TSPAN9: variants seen among roughly 807,000 people sequenced by gnomAD.
TSPAN9 encodes the protein tetraspanin 9.
TSPAN9 carries 16 observed loss-of-function variants against 31.0 expected under a neutral mutation model. That is an observed-to-expected ratio of 0.52 (90% CI 0.35 to 0.78). TSPAN9 has a LOEUF of 0.78. Among genes scored for constraint, TSPAN9 ranks in the 30% least tolerant of loss-of-function variants. The pLI is 0.01. For synonymous variants in TSPAN9, 145 were observed against 121.6 expected, an observed-to-expected ratio of 1.19 and a Z score of -1.27; for missense variants, 272 against 312.5, an observed-to-expected ratio of 0.87 and a Z score of 0.98.
Position 3,127,356 on chromosome 12 carries a change from A to C in TSPAN9, c.-18+43637A>C, listed in dbSNP as rs1160118385. ...GAGGCCGTTTTACTTAACTTTAAAG[A>C]AAAATTTTTTTTTTTTTGAGACGGA... is the stretch of plus-strand genomic sequence containing the variant. On this transcript the variant is annotated intron_variant, in intron 2 of 8. Transcript: ENST00000011898. Among the ~76,000 whole-genome samples the C allele has an allele frequency of 4.0e-5, 6 of 149,566 alleles. No individual in the cohort carries two copies. The East Asian group carries it at 1.2e-3, about 30-fold the overall frequency.
chr12:3,211,572 A>G, intron 3 of TSPAN9: 1 of 1,065,048 alleles, frequency 9.4e-7, no homozygotes. Context: ...TTCATTCATC[A>G]TCTTAGGGAA....
At chr12:3,195,867 G>A (rs1273739337) in intron 2 of TSPAN9, among the ~76,000 whole-genome samples, 4 of 152,144 alleles carry the variant, frequency 2.6e-5, no homozygotes, top group Admixed American at 6.5e-5. Flanking sequence ...CCACACTCAC[G>A]CCTTTCTAGG....
chr12:3,078,639 G>T (rs1342794514), intron 1 of TSPAN9, among the ~76,000 whole-genome samples: 1 of 152,126 alleles, frequency 6.6e-6, no homozygotes, highest in Non-Finnish European at 1.5e-5. Context: ...CCTACCCTCG[G>T]CTTGGTCCTG....
intron 3 of TSPAN9, among the ~76,000 whole-genome samples, chr12:3,210,687 T>C (rs1173522729): frequency 6.6e-6 from 1 of 152,166 alleles, no homozygotes; most frequent in African/African-American, 2.4e-5. Flanking sequence ...CTCTTCTTTG[T>C]TAGACTGTAC....
intron 3 of TSPAN9, among the ~76,000 whole-genome samples, chr12:3,243,374 G>A (rs2098397634): frequency 6.6e-6 from 1 of 152,142 alleles, no homozygotes; most frequent in Admixed American, 6.5e-5. Context: ...AGGGGCTCCT[G>A]TTTTAACTTA....
chr12:3,254,056 G>A (rs1361523784), intron 3 of TSPAN9, among the ~76,000 whole-genome samples: 2 of 152,156 alleles, frequency 1.3e-5, no homozygotes, highest in Non-Finnish European at 2.9e-5. Flanking sequence ...CTGAGTCTTG[G>A]TTATCAACAC....
At chr12:3,128,070 A>AG (rs2098328145) in intron 2 of TSPAN9, among the ~76,000 whole-genome samples, 1 of 152,206 alleles carries the variant, frequency 6.6e-6, no homozygotes, top group African/African-American at 2.4e-5. Context: ...TTGTAATCTT[A>AG]GGGGACCACT....
intron 3 of TSPAN9, among the ~76,000 whole-genome samples, chr12:3,235,525 AAAGTT>A (rs1319221478): frequency 6.6e-6 from 1 of 152,008 alleles, no homozygotes; most frequent in African/African-American, 2.4e-5. Context: ...CATGTTTGTG[AAAGTT>A]CCCACTTCCC....
intron 3 of TSPAN9, among the ~76,000 whole-genome samples, chr12:3,202,449 A>C (rs563902495): frequency 6.6e-6 from 1 of 152,234 alleles, no homozygotes; most frequent in African/African-American, 2.4e-5. Context: ...GTGTGTGTGG[A>C]GGGGTGACTT....
At chr12:3,175,566 G>A (rs2098355075) in intron 2 of TSPAN9, among the ~76,000 whole-genome samples, 1 of 152,230 alleles carries the variant, frequency 6.6e-6, no homozygotes, top group Non-Finnish European at 1.5e-5. Flanking sequence ...CTCTCTCGCT[G>A]TGCTCACGGG....
intron 3 of TSPAN9, among the ~76,000 whole-genome samples, chr12:3,268,418 G>C (rs1469634213): frequency 8.7e-5 from 6 of 69,152 alleles, no homozygotes; most frequent in East Asian, 4.6e-4. Flanking sequence ...CCTGCCCTCC[G>C]TGCGTTCCTG....
Position 3,283,473 on chromosome 12 carries a change from A to C in TSPAN9, c.*357A>C, listed in dbSNP as rs1174197813. 4.9e-6 allele frequency: 1 copy of C among 202,444 alleles called. No homozygotes were observed. The highest frequency in any genetic ancestry group is 6.0e-5 in the Admixed American group (1 of 16,750). 12.5% of individuals were successfully genotyped at this position (202,444 alleles called of 1,614,324 possible). On this transcript the variant is annotated 3_prime_UTR_variant, in exon 9 of 9. Coordinates refer to ENST00000011898, the MANE Select transcript of TSPAN9 (RefSeq NM_006675.5). Reference sequence around the variant, plus strand: ...TTTGTCCCCACATGGGGTGGGGAGCAGAGTGCCCGCCCCGTGGAGATACCG... The same window carrying C: ...TTTGTCCCCACATGGGGTGGGGAGCCGAGTGCCCGCCCCGTGGAGATACCG...
At chr12:3,128,490 A>G (rs986237034) in intron 2 of TSPAN9, among the ~76,000 whole-genome samples, 2 of 152,186 alleles carry the variant, frequency 1.3e-5, no homozygotes, top group Non-Finnish European at 2.9e-5. Flanking sequence ...CCAGGAAGCC[A>G]AGGCAGGAGG....
chr12:3,251,261 G>C (rs1189633091), intron 3 of TSPAN9, among the ~76,000 whole-genome samples: 1 of 152,190 alleles, frequency 6.6e-6, no homozygotes, highest in East Asian at 1.9e-4. Flanking sequence ...TGCACCCGCT[G>C]TGTGCCGCAG....
chr12:3,112,954 G>C (rs982184327), intron 2 of TSPAN9, among the ~76,000 whole-genome samples: 9 of 152,020 alleles, frequency 5.9e-5, no homozygotes, highest in Admixed American at 4.6e-4. Context: ...CTAAAGTGTG[G>C]ATATTATAGG....
rs148053157 is a variant in TSPAN9, at chr12:3,237,755, C to A, written c.63+36499C>A. ...GCACAGAGAGGGCAGGGTCAGCTTG[C>A]CCCCTTCCCTTCCGAAGCCAGAGGT... On this transcript the variant is annotated intron_variant, in intron 3 of 8. Coordinates refer to ENST00000011898, the MANE Select transcript of TSPAN9 (RefSeq NM_006675.5). Among the ~76,000 whole-genome samples the A allele has an allele frequency of 1.8e-3, 281 of 152,254 alleles. 3 individuals are homozygous for A. The highest frequency in any genetic ancestry group is 0.014 in the Middle Eastern group (4 of 294).
intron 3 of TSPAN9, among the ~76,000 whole-genome samples, chr12:3,277,661 C>T (rs1862812898): frequency 6.6e-6 from 1 of 152,144 alleles, no homozygotes; most frequent in Admixed American, 6.5e-5. Context: ...AGATTTGCAG[C>T]CGGTGAAATG....
At chr12:3,243,252 A>C (rs1050201842) in intron 3 of TSPAN9, among the ~76,000 whole-genome samples, 6 of 152,016 alleles carry the variant, frequency 3.9e-5, no homozygotes, top group African/African-American at 1.5e-4. Flanking sequence ...CTCACCCATC[A>C]TCTTTCCACC....
chr12:3,105,488 G>A (rs1299387266), intron 2 of TSPAN9, among the ~76,000 whole-genome samples: 2 of 151,966 alleles, frequency 1.3e-5, no homozygotes, highest in Non-Finnish European at 2.9e-5. Flanking sequence ...GTAAGGCTGG[G>A]GTGGAGCAAG....
Sources: allele counts gnomAD v4.1 joint callset (sites outside exome capture counted in the v4.1 genomes callset), GRCh38; gene constraint gnomAD v4.1.1; transcripts MANE v1.5; gene names NCBI Gene and HGNC (gene_info 2026-07-23, HGNC 2026-07-21).